The following ARHGAP24 variants were observed in gnomAD, a reference collection of about 807,000 sequenced individuals.
ARHGAP24 encodes the protein Rho GTPase activating protein 24.
A neutral mutation model predicts 76.4 loss-of-function variants in ARHGAP24; 50 were observed. The observed-to-expected ratio is 0.65, with a 90% CI of 0.52 to 0.83. ARHGAP24 has a LOEUF of 0.83. ARHGAP24 is among the 40% of genes least tolerant of loss of function. The pLI, the probability that ARHGAP24 is intolerant of heterozygous loss-of-function variation, is 0.00. For synonymous variants in ARHGAP24, 345 were observed against 323.3 expected (o/e 1.07, Z -0.72); for missense variants, 930 against 914.2 (o/e 1.02, Z -0.22).
intron 1 of ARHGAP24, among the ~76,000 whole-genome samples, chr4:85,487,266 A>AATATATATTTATTTTATATATAGTAAAT (rs1723103802): frequency 8.0e-6 from 1 of 125,638 alleles, no homozygotes; most frequent in Non-Finnish European, 1.6e-5. Context: ...ATTATATATA[A>AATATATATTTATTTTATATATAGTAAAT]ATATATATTT....
intron 2 of ARHGAP24, among the ~76,000 whole-genome samples, chr4:85,613,353 T>C (rs1720456361): frequency 6.6e-6 from 1 of 152,236 alleles, no homozygotes; most frequent in Admixed American, 6.5e-5. Flanking sequence ...TTCCATTGCA[T>C]GAACCCTGTC....
rs564857335 is a variant in ARHGAP24 at position 85,667,445 on chromosome 4, G to C, written c.181-54440G>C. ...GAAAGGGAACTCCCTGACCCCTTGTGCTTCCTGAGGGAGGCAATGCCTTGG... is the reference window on the plus strand; with the variant it reads ...GAAAGGGAACTCCCTGACCCCTTGTCCTTCCTGAGGGAGGCAATGCCTTGG... On this transcript the variant is annotated intron_variant, in intron 2 of 9. Transcript: ENST00000395184. Among the ~76,000 whole-genome samples, 4 of 152,158 alleles carry C rather than the reference G, an allele frequency of 2.6e-5. No individual in the cohort carries two copies. In the South Asian group the frequency reaches 8.3e-4, roughly 31 times the overall value.
intron 3 of ARHGAP24, among the ~76,000 whole-genome samples, chr4:85,808,988 C>G (rs1458727443): frequency 6.6e-6 from 1 of 152,154 alleles, no homozygotes; most frequent in East Asian, 1.9e-4. Context: ...ATTGTTTACA[C>G]AATTCCTCCC....
At chr4:85,857,037 T>A (rs1731617604) in intron 3 of ARHGAP24, among the ~76,000 whole-genome samples, 1 of 152,198 alleles carries the variant, frequency 6.6e-6, no homozygotes, top group Non-Finnish European at 1.5e-5. Context: ...TTTCCATTTT[T>A]GTTGTTGCTG....
intron 1 of ARHGAP24, among the ~76,000 whole-genome samples, chr4:85,563,806 C>G (rs955204246): frequency 6.6e-6 from 1 of 152,168 alleles, no homozygotes; most frequent in Non-Finnish European, 1.5e-5. Flanking sequence ...ACATTCACAG[C>G]TGAGCCAATG....
In ARHGAP24 at chr4:85,917,018, C is replaced by T. The variant is rs573847494; in HGVS notation, c.269-6630C>T. 3.9e-5 allele frequency among the ~76,000 whole-genome samples: 6 copies of T among 152,066 alleles called. No individual in the cohort carries two copies. In the South Asian group the frequency reaches 1.0e-3, roughly 26 times the overall value. On this transcript the variant is annotated intron_variant, in intron 3 of 9. Coordinates refer to ENST00000395184, the MANE Select transcript of ARHGAP24 (RefSeq NM_001025616.3). ...TATTGGTGTGCTGCACCCATTAACT[C>T]GTCATTTAGCAGTAGGTATACCTCC...
rs991684148 is a variant in ARHGAP24, at chr4:85,704,757, A to G, written c.181-17128A>G. On this transcript the variant is annotated intron_variant, in intron 2 of 9. Transcript: ENST00000395184. ...TTCTACATTTCATTTTTGTTAACTT[A>G]TATTTTGTTCTTTGTTTTTAAGTAC... is the stretch of plus-strand genomic sequence containing the variant. 5.9e-5 allele frequency among the ~76,000 whole-genome samples: 9 copies of G among 152,192 alleles called. No individual in the cohort carries two copies. The South Asian group carries it at 6.2e-4, about 11-fold the overall frequency.
At chr4:85,897,818 C>T (rs2148787204) in intron 3 of ARHGAP24, among the ~76,000 whole-genome samples, 1 of 151,808 alleles carries the variant, frequency 6.6e-6, no homozygotes, top group Admixed American at 6.6e-5. Flanking sequence ...GCAGTCATAG[C>T]TTAGCAGTAT....
At chr4:85,743,682 T>C (rs1463213438) in intron 3 of ARHGAP24, among the ~76,000 whole-genome samples, 1 of 152,180 alleles carries the variant, frequency 6.6e-6, no homozygotes, top group African/African-American at 2.4e-5. Flanking sequence ...ATTTTCTTTC[T>C]TTTGTGATAA....
rs190952535 is a variant in ARHGAP24 at position 85,527,371 on chromosome 4, A to T, written c.-20-43151A>T. ...ACACATAGGTAGATTAGGGTATATG[A>T]TGATAAATGGCATATTTTCTATTTC... On this transcript the variant is annotated intron_variant, in intron 1 of 9. Transcript: ENST00000395184. 5.3e-5 allele frequency among the ~76,000 whole-genome samples: 8 copies of T among 152,260 alleles called. No individual in the cohort carries two copies. In the East Asian group the frequency reaches 1.5e-3, roughly 29 times the overall value.
At chr4:85,592,888 A>C (rs1364364208) in intron 2 of ARHGAP24, among the ~76,000 whole-genome samples, 1 of 152,176 alleles carries the variant, frequency 6.6e-6, no homozygotes, top group East Asian at 1.9e-4. Context: ...TCAACTGTTG[A>C]TGGGCACTTA....
At chr4:85,844,195 G>T (rs1479297085) in intron 3 of ARHGAP24, among the ~76,000 whole-genome samples, 1 of 152,158 alleles carries the variant, frequency 6.6e-6, no homozygotes, top group East Asian at 1.9e-4. Flanking sequence ...TTATAAACTA[G>T]ATTTAGGAAT....
chr4:85,740,291 C>T (rs920544708), intron 3 of ARHGAP24, among the ~76,000 whole-genome samples: 121 of 150,918 alleles, frequency 8.0e-4, no homozygotes, highest in African/African-American at 2.8e-3. Context: ...GCGGTGATCT[C>T]GGCTCACTGC....
intron 3 of ARHGAP24, among the ~76,000 whole-genome samples, chr4:85,774,716 C>A (rs1438118953): frequency 6.6e-6 from 1 of 152,162 alleles, no homozygotes; most frequent in Non-Finnish European, 1.5e-5. Flanking sequence ...TAGGGCCCAG[C>A]TGGGGCTCTT....
chr4:85,884,598 G>A (rs1733451160), intron 3 of ARHGAP24, among the ~76,000 whole-genome samples: 1 of 152,000 alleles, frequency 6.6e-6, no homozygotes, highest in Non-Finnish European at 1.5e-5. Flanking sequence ...TTTCCTCTGG[G>A]GGTCTATAAA....
intron 1 of ARHGAP24, among the ~76,000 whole-genome samples, chr4:85,567,172 C>T (rs960096666): frequency 6.6e-6 from 1 of 152,102 alleles, no homozygotes; most frequent in Non-Finnish European, 1.5e-5. Context: ...GTTGAGAATC[C>T]TTATCTGATT....
At chr4:85,742,089 G>A (rs866609269) in intron 3 of ARHGAP24, among the ~76,000 whole-genome samples, 1 of 152,258 alleles carries the variant, frequency 6.6e-6, no homozygotes, top group Middle Eastern at 3.4e-3. Flanking sequence ...CATTCACCCA[G>A]GCCAATTGCC....
intron 3 of ARHGAP24, among the ~76,000 whole-genome samples, chr4:85,812,612 T>C (rs2110114569): frequency 6.6e-6 from 1 of 152,292 alleles, no homozygotes; most frequent in African/African-American, 2.4e-5. Flanking sequence ...TAGGAAAGTC[T>C]CACATGAGAC....
chr4:85,660,273 T>C (rs7662585), intron 2 of ARHGAP24, among the ~76,000 whole-genome samples: 4,296 of 152,292 alleles, frequency 0.028, 188 homozygotes, highest in African/African-American at 0.097. Context: ...GAATTAATTC[T>C]CACACTTTAG....
Sources: gnomAD v4.1 joint callset for allele counts (sites outside exome capture counted in the v4.1 genomes callset) on GRCh38, gnomAD v4.1.1 for gene constraint, MANE v1.5 for transcripts, NCBI Gene and HGNC (gene_info 2026-07-23, HGNC 2026-07-21) for gene names.